GTF2IRD1: variants seen among roughly 807,000 people sequenced by gnomAD.
GTF2IRD1 encodes the protein GTF2I repeat domain containing 1.
A neutral mutation model predicts 113.2 loss-of-function variants in GTF2IRD1; 26 were observed. The ratio of observed to expected loss-of-function variants is 0.23; its 90% CI spans 0.17 to 0.32. The LOEUF (loss-of-function observed/expected upper bound fraction) is 0.32, where lower values mean the gene tolerates loss of function less well. GTF2IRD1 is among the 10% of genes least tolerant of loss of function. GTF2IRD1 has a pLI of 1.00. For missense variants in GTF2IRD1, 864 were observed against 1,280.8 expected (o/e 0.67, Z 4.97); for synonymous variants, 484 against 529.1 (o/e 0.91, Z 1.17).
At chr7:74,501,588 G>A (rs1584534947) in intron 1 of GTF2IRD1, among the ~76,000 whole-genome samples, 1 of 152,314 alleles carries the variant, frequency 6.6e-6, no homozygotes, top group East Asian at 1.9e-4. Context: ...CTCTTTGGCT[G>A]TCCCCTCTGT....
At chr7:74,507,986 G>C in intron 1 of GTF2IRD1, 89 bp from the exon 2 acceptor site, 3 of 1,424,666 alleles carry the variant, frequency 2.1e-6, no homozygotes, top group Non-Finnish European at 2.8e-6. Flanking sequence ...TTGGGAGTCC[G>C]GGGGTCAGGT....
chr7:74,545,866 G>C, intron 16 of GTF2IRD1, 57 bp downstream of exon 16: 4 of 1,285,488 alleles, frequency 3.1e-6, no homozygotes, highest in Non-Finnish European at 4.5e-6. Flanking sequence ...CAGCCGCCCT[G>C]TTTGCAGAAG....
chr7:74,522,244 T>TTA (rs1797340406), intron 7 of GTF2IRD1, among the ~76,000 whole-genome samples: 1 of 142,466 alleles, frequency 7.0e-6, no homozygotes, highest in African/African-American at 2.6e-5. Context: ...GTGATATATT[T>TTA]AAAAAAAAAA....
chr7:74,488,195 A>G (rs1184454383), intron 1 of GTF2IRD1, among the ~76,000 whole-genome samples: 1 of 152,164 alleles, frequency 6.6e-6, no homozygotes, highest in Non-Finnish European at 1.5e-5. Flanking sequence ...AGGCGGGAGG[A>G]TCGCTTGAGC....
intron 1 of GTF2IRD1, among the ~76,000 whole-genome samples, chr7:74,501,046 G>A (rs1554339330): frequency 6.6e-6 from 1 of 152,132 alleles, no homozygotes; most frequent in Non-Finnish European, 1.5e-5. Context: ...GGGGACACTT[G>A]GGGAGAAGAG....
chr7:74,461,914 T>A (rs554735078), intron 1 of GTF2IRD1, among the ~76,000 whole-genome samples: 12 of 152,068 alleles, frequency 7.9e-5, no homozygotes, highest in Admixed American at 7.2e-4. Context: ...CGTTGAGGAG[T>A]GAAGGCTATG....
chr7:74,574,517 A>C (rs1800896222), intron 22 of GTF2IRD1, among the ~76,000 whole-genome samples: 1 of 147,500 alleles, frequency 6.8e-6, no homozygotes, highest in Non-Finnish European at 1.5e-5. Flanking sequence ...GGAGTGCAGT[A>C]GCACGATCAC....
At chr7:74,539,515 G>A (rs1289490206) in intron 13 of GTF2IRD1, among the ~76,000 whole-genome samples, 3 of 151,960 alleles carry the variant, frequency 2.0e-5, no homozygotes, top group East Asian at 1.9e-4. Context: ...AGGCCGAGGC[G>A]GGCACATCAC....
rs375586062 is a variant in GTF2IRD1, at chr7:74,547,140, G to A, written c.1770G>A (p.Pro590=). ...GCATCTCGGAGCCCGTCAAGGTGCC[G>A]TACTCCAAGTTTCTGATGCACCCGG... ...AIGISEPVKV[P]YSKFLMHPEE... Residue 590 remains proline, a synonymous_variant, in exon 17 of 27, where the codon CCG becomes CCA. Coordinates refer to ENST00000424337, the MANE Select transcript of GTF2IRD1 (RefSeq NM_005685.4). 2.1e-4 allele frequency: 343 copies of A among 1,613,326 alleles called. No individual in the cohort carries two copies. The highest frequency in any genetic ancestry group is 2.8e-4 in the Non-Finnish European group (329 of 1,179,798).
At chr7:74,530,802 C>G (rs1223080825) in intron 9 of GTF2IRD1, among the ~76,000 whole-genome samples, 1 of 152,128 alleles carries the variant, frequency 6.6e-6, no homozygotes, top group African/African-American at 2.4e-5. Flanking sequence ...GAAGACATTT[C>G]CGACCTGGGC....
chr7:74,546,793 T>G (rs1317550645), intron 16 of GTF2IRD1, among the ~76,000 whole-genome samples: 1 of 152,150 alleles, frequency 6.6e-6, no homozygotes, highest in Non-Finnish European at 1.5e-5. Context: ...CAGCCATTAG[T>G]GGTGGCTTCT....
Position 74,519,726 on chromosome 7 carries a change from T to C in GTF2IRD1, c.916+7T>C. ...GACTTCTCCGACTGTTGTGGTAACA[T>C]TGCTGCTGGGATCTCCAAGTCTAGG... On this transcript the variant is annotated splice_region_variant and intron_variant, in intron 6 of 26. Transcript: ENST00000424337. 1 of 1,546,730 alleles carries C rather than the reference T, an allele frequency of 6.5e-7. No homozygotes were observed. The highest frequency in any genetic ancestry group is 1.2e-5 in the South Asian group (1 of 81,764).
intron 11 of GTF2IRD1, among the ~76,000 whole-genome samples, chr7:74,537,366 T>C (rs1324438136): frequency 6.6e-6 from 1 of 151,758 alleles, no homozygotes; most frequent in Non-Finnish European, 1.5e-5. Flanking sequence ...TGAGCCAAGA[T>C]TGTGCCACTG....
At chr7:74,557,784 C>A in intron 20 of GTF2IRD1, 62 bp downstream of exon 20, 1 of 1,022,124 alleles carries the variant, frequency 9.8e-7, no homozygotes, top group Non-Finnish European at 1.5e-6. Flanking sequence ...AAGTGGGAGG[C>A]TTCCCAGTTC....
At chr7:74,584,860 G>A (rs189182070) in intron 22 of GTF2IRD1, among the ~76,000 whole-genome samples, 1 of 152,246 alleles carries the variant, frequency 6.6e-6, no homozygotes, top group Non-Finnish European at 1.5e-5. Context: ...GGAGTACGAT[G>A]GCGCGATCTT....
At chr7:74,570,823 A>G (rs587716262) in intron 22 of GTF2IRD1, among the ~76,000 whole-genome samples, 364 of 152,264 alleles carry the variant, frequency 2.4e-3, no homozygotes, top group African/African-American at 8.4e-3. Context: ...AGAAAGGGAC[A>G]AGAGAGCCCT....
chr7:74,503,930 G>A (rs539660299), intron 1 of GTF2IRD1, among the ~76,000 whole-genome samples: 57 of 152,124 alleles, frequency 3.7e-4, no homozygotes, highest in Non-Finnish European at 7.2e-4. Flanking sequence ...GCTTTTGGAG[G>A]CCTCAGCGTC....
chr7:74,461,828 C>G (rs1483789683), intron 1 of GTF2IRD1, among the ~76,000 whole-genome samples: 4 of 152,168 alleles, frequency 2.6e-5, no homozygotes, highest in African/African-American at 9.7e-5. Flanking sequence ...ATCTGTCCAC[C>G]TTGACTTCCC....
intron 22 of GTF2IRD1, among the ~76,000 whole-genome samples, chr7:74,573,218 T>G (rs1054739969): frequency 5.9e-5 from 9 of 151,922 alleles, no homozygotes; most frequent in African/African-American, 1.9e-4. Context: ...GAGACCAGCC[T>G]GGGCAACATG....
Sources: gnomAD v4.1 joint callset for allele counts (sites outside exome capture counted in the v4.1 genomes callset) on GRCh38, gnomAD v4.1.1 for gene constraint, MANE v1.5 for transcripts, NCBI Gene and HGNC (gene_info 2026-07-23, HGNC 2026-07-21) for gene names.